Variants in PTPRM observed in about 807,000 individuals in gnomAD.
PTPRM encodes the protein protein tyrosine phosphatase receptor type M.
In PTPRM, 47 loss-of-function variants were observed where a neutral mutation model predicts 186.7. That is an observed-to-expected ratio of 0.25 (90% CI 0.20 to 0.32). The LOEUF is 0.32. Among genes scored for constraint, PTPRM ranks in the 10% least tolerant of loss-of-function variants. The pLI is 1.00. For missense variants in PTPRM, 1,494 were observed against 1,865.0 expected (o/e 0.80, Z 3.66); for synonymous variants, 668 against 674.9 (o/e 0.99, Z 0.16).
chr18:7,821,690 G>A (rs995577685), intron 2 of PTPRM, among the ~76,000 whole-genome samples: 1 of 152,072 alleles, frequency 6.6e-6, no homozygotes, highest in Non-Finnish European at 1.5e-5. Flanking sequence ...TGTGCTTTGG[G>A]GTCATTATGA....
At chr18:8,375,435 C>G (rs191326902) in intron 24 of PTPRM, among the ~76,000 whole-genome samples, 6 of 152,034 alleles carry the variant, frequency 3.9e-5, no homozygotes, top group Admixed American at 2.6e-4. Context: ...AAAATATTTA[C>G]CCACATTAAA....
intron 19 of PTPRM, among the ~76,000 whole-genome samples, chr18:8,283,168 A>G (rs188653869): frequency 2.6e-5 from 4 of 152,286 alleles, no homozygotes; most frequent in East Asian, 3.9e-4. Flanking sequence ...ACGAAATGGC[A>G]TGGAACTATA....
At chr18:8,355,402 A>G (rs372781434) in intron 23 of PTPRM, among the ~76,000 whole-genome samples, 1 of 152,160 alleles carries the variant, frequency 6.6e-6, no homozygotes, top group Non-Finnish European at 1.5e-5. Context: ...AGGCAACCAC[A>G]GGACCCTGGA....
intron 9 of PTPRM, among the ~76,000 whole-genome samples, chr18:8,079,157 G>C (rs746714392): frequency 1.3e-5 from 2 of 152,046 alleles, no homozygotes; most frequent in Non-Finnish European, 2.9e-5. Context: ...CATTCTTCTG[G>C]TTTTCTTCCT....
chr18:7,736,570 A>G (rs1417198563), intron 1 of PTPRM, among the ~76,000 whole-genome samples: 3 of 152,038 alleles, frequency 2.0e-5, no homozygotes, highest in African/African-American at 4.8e-5. Context: ...AGCTCCCCGA[A>G]TGCTTAATTA....
At chr18:7,740,356 G>T (rs2059298823) in intron 1 of PTPRM, among the ~76,000 whole-genome samples, 1 of 152,160 alleles carries the variant, frequency 6.6e-6, no homozygotes, top group Non-Finnish European at 1.5e-5. Context: ...TGCAACCTGG[G>T]GGCATAAATG....
At chr18:8,205,889 C>T (rs966150211) in intron 14 of PTPRM, among the ~76,000 whole-genome samples, 10 of 152,150 alleles carry the variant, frequency 6.6e-5, no homozygotes, top group African/African-American at 2.2e-4. Flanking sequence ...CCAGCACTCA[C>T]ATTTTGGCAT....
At chr18:7,627,863 G>A (rs1386754492) in intron 1 of PTPRM, among the ~76,000 whole-genome samples, 2 of 152,158 alleles carry the variant, frequency 1.3e-5, no homozygotes, top group Non-Finnish European at 2.9e-5. Context: ...GTGTTGTGCG[G>A]TGCTACAGTG....
intron 29 of PTPRM, among the ~76,000 whole-genome samples, chr18:8,381,345 A>G (rs2095734043): frequency 7.6e-6 from 1 of 132,176 alleles, no homozygotes; most frequent in South Asian, 2.5e-4. Context: ...TCCAGTAGAC[A>G]CAAATTCTTT....
chr18:7,975,216 G>T (rs1319887451), intron 7 of PTPRM, among the ~76,000 whole-genome samples: 3 of 152,192 alleles, frequency 2.0e-5, no homozygotes, highest in Non-Finnish European at 4.4e-5. Context: ...GCAGTTTCTT[G>T]CAAGAGCAAA....
chr18:8,110,828 A>G (rs553215041), intron 11 of PTPRM, among the ~76,000 whole-genome samples: 2 of 152,198 alleles, frequency 1.3e-5, no homozygotes, highest in African/African-American at 2.4e-5. Context: ...CCTTGATGTG[A>G]TAAGTGTGAA....
At chr18:7,655,569 A>G (rs1490674448) in intron 1 of PTPRM, among the ~76,000 whole-genome samples, 1 of 152,232 alleles carries the variant, frequency 6.6e-6, no homozygotes, top group Non-Finnish European at 1.5e-5. Flanking sequence ...TCAAAAACAT[A>G]TGTTCACATA....
rs371315590 is a variant in PTPRM, at chr18:7,888,298, G to C, written c.389G>C (p.Trp130Ser). 9 of 1,614,012 alleles carry C rather than the reference G, an allele frequency of 5.6e-6. No homozygotes were observed. In the African/African-American group the frequency reaches 8.0e-5, roughly 14 times the overall value. Residue 130 changes from tryptophan to serine, a missense_variant, in exon 3 of 33, where the codon TGG (tryptophan) becomes TCG (serine). Trp to Ser is a radical substitution (Grantham distance 177). Transcript: ENST00000580170. ...AACGGGCCACTGGGGAATCCTATCT[G>C]GAATATATCTGGAGACCCAACACGT... is the stretch of plus-strand genomic sequence containing the variant. ...VNNGPLGNPI[W>S]NISGDPTRTW...
At chr18:8,218,728 A>G (rs2094118925) in intron 14 of PTPRM, among the ~76,000 whole-genome samples, 1 of 152,200 alleles carries the variant, frequency 6.6e-6, no homozygotes, top group Non-Finnish European at 1.5e-5. Context: ...AACCTTCTAC[A>G]TGTTTAAAAC....
chr18:7,601,115 T>C (rs2037392050), intron 1 of PTPRM, among the ~76,000 whole-genome samples: 2 of 152,184 alleles, frequency 1.3e-5, no homozygotes, highest in South Asian at 2.1e-4. Context: ...GAAGGATTGC[T>C]CCACCCTACA....
intron 15 of PTPRM, among the ~76,000 whole-genome samples, chr18:8,247,189 A>G (rs2094484885): frequency 6.6e-6 from 1 of 152,190 alleles, no homozygotes; most frequent in East Asian, 1.9e-4. Flanking sequence ...AAAATTAGGA[A>G]ATACCCATTT....
At chr18:7,892,837 G>A (rs977992732) in intron 3 of PTPRM, among the ~76,000 whole-genome samples, 2 of 152,146 alleles carry the variant, frequency 1.3e-5, no homozygotes, top group Non-Finnish European at 2.9e-5. Context: ...CACAGTTAGG[G>A]GGAGGTCAGG....
chr18:7,800,350 C>A (rs1279262306), intron 2 of PTPRM, among the ~76,000 whole-genome samples: 1 of 152,102 alleles, frequency 6.6e-6, no homozygotes, highest in Non-Finnish European at 1.5e-5. Flanking sequence ...TTTATAAATT[C>A]ATGTTTTTCC....
chr18:7,976,870 G>A (rs1406848152), intron 7 of PTPRM, among the ~76,000 whole-genome samples: 2 of 150,606 alleles, frequency 1.3e-5, no homozygotes, highest in African/African-American at 2.4e-5. Flanking sequence ...AAATGTATTC[G>A]TTTGTTAAGT....
Sources: allele counts gnomAD v4.1 joint callset (sites outside exome capture counted in the v4.1 genomes callset), GRCh38; gene constraint gnomAD v4.1.1; transcripts MANE v1.5; gene names NCBI Gene and HGNC (gene_info 2026-07-23, HGNC 2026-07-21).